CPQ: variants seen among roughly 807,000 people sequenced by gnomAD.
The protein encoded by CPQ is Ser-Met dipeptidase.
Under a neutral mutation model 45.7 loss-of-function variants are expected in CPQ, and 37 were observed. The ratio of observed to expected loss-of-function variants is 0.81; its 90% confidence interval spans 0.62 to 1.07. CPQ has a LOEUF of 1.07. Among genes scored for constraint, CPQ ranks in the 50% least tolerant of loss-of-function variants. The probability of loss-of-function intolerance (pLI) is 0.00; values close to 1 mark genes in which losing one functional copy is unlikely to be tolerated. For missense variants in CPQ, 537 were observed against 572.9 expected, an observed-to-expected ratio of 0.94 and a Z score of 0.64; for synonymous variants, 186 against 205.8, an observed-to-expected ratio of 0.90 and a Z score of 0.82.
At position 97,143,181 on chromosome 8, in the gene CPQ, T is replaced by G; in HGVS notation, c.1417T>G (p.Ter473GluextTer3). ...ADMEEMLPRS[*>E] The stretch of plus-strand genomic sequence containing the variant: ...CATGGAAGAAATGCTGCCTAGGTCC[T>G]AGAAACAGTAAGAAAGAAACGTTTT... The change falls in exon 8 of 8, where the codon TAG becomes GAG. Residue 473 changes from the stop codon to glutamate (E), a stop_lost. Transcript: ENST00000220763. 1 of 1,613,666 alleles carries G rather than the reference T, an allele frequency of 6.2e-7. No individual in the cohort carries two copies. Among genetic ancestry groups the G allele is most frequent in the Non-Finnish European group, 8.5e-7 (1 of 1,179,812 alleles).
chr8:96,780,878 A>G (rs1168801406), intron 1 of CPQ, among the ~76,000 whole-genome samples: 2 of 152,050 alleles, frequency 1.3e-5, no homozygotes, highest in African/African-American at 2.4e-5. Flanking sequence ...GAAGCTTAGC[A>G]ATGCATGTAT....
intron 7 of CPQ, among the ~76,000 whole-genome samples, chr8:97,096,275 C>A (rs1811209264): frequency 6.6e-6 from 1 of 151,806 alleles, no homozygotes; most frequent in Admixed American, 6.6e-5. Context: ...TTCCAGAGAC[C>A]AAAAAATAAA....
rs766653084 is a variant in CPQ, at chr8:97,029,466, G to A, written c.1025G>A (p.Gly342Asp). ...LWTAEEQGGV[G>D]AFQYYQLHKV... ...ACTGCAGAAGAACAAGGTGGAGTTG[G>A]TGCCTTCCAGTATTATCAGTTACAC... The change falls in exon 6 of 8, where the codon GGT becomes GAT. Residue 342 changes from glycine (G) to aspartate (D), a missense_variant. Physicochemically the swap from Gly to Asp is moderately conservative, Grantham distance 94. Coordinates refer to ENST00000220763, the MANE Select transcript of CPQ (RefSeq NM_016134.4). 2 of 1,608,086 alleles carry A rather than the reference G, an allele frequency of 1.2e-6. No individual in the cohort carries two copies. The highest frequency in any genetic ancestry group is 3.4e-5 in the Admixed American group (2 of 59,448).
At chr8:97,005,889 T>C (rs914022273) in intron 5 of CPQ, among the ~76,000 whole-genome samples, 13 of 152,190 alleles carry the variant, frequency 8.5e-5, no homozygotes, top group African/African-American at 3.1e-4. Flanking sequence ...CATATATGCA[T>C]ACATTGCTGC....
At chr8:97,013,130 C>T (rs1200466529) in intron 5 of CPQ, among the ~76,000 whole-genome samples, 4 of 151,904 alleles carry the variant, frequency 2.6e-5, no homozygotes, top group African/African-American at 9.7e-5. Flanking sequence ...TTTACTCTCC[C>T]TTAGGCATAT....
chr8:97,125,546 A>C (rs1315178745), intron 7 of CPQ, among the ~76,000 whole-genome samples: 1 of 152,204 alleles, frequency 6.6e-6, no homozygotes, highest in Non-Finnish European at 1.5e-5. Flanking sequence ...TTCAAGTGGC[A>C]TTTATCTTAG....
At chr8:96,887,790 C>G (rs949529689) in intron 4 of CPQ, among the ~76,000 whole-genome samples, 3 of 152,042 alleles carry the variant, frequency 2.0e-5, no homozygotes, top group Admixed American at 2.0e-4. Flanking sequence ...GAGTGGTTGG[C>G]GGTTGATGGT....
chr8:96,955,513 G>GA (rs1813342478), intron 4 of CPQ, among the ~76,000 whole-genome samples: 1 of 151,992 alleles, frequency 6.6e-6, no homozygotes, highest in African/African-American at 2.4e-5. Flanking sequence ...CACAGAATTG[G>GA]AAAAAACTAC....
intron 7 of CPQ, among the ~76,000 whole-genome samples, chr8:97,101,402 C>A (rs974483014): frequency 2.0e-5 from 3 of 151,214 alleles, no homozygotes; most frequent in Non-Finnish European, 2.9e-5. Flanking sequence ...ACAGATTCAG[C>A]AAATATATAG....
intron 6 of CPQ, among the ~76,000 whole-genome samples, chr8:97,042,837 T>C (rs936981337): frequency 3.3e-4 from 51 of 152,354 alleles, no homozygotes; most frequent in African/African-American, 1.2e-3. Flanking sequence ...TTGATTGCAC[T>C]GTGGTCTGAG....
chr8:96,992,747 C>T (rs938111054), intron 5 of CPQ, among the ~76,000 whole-genome samples: 1 of 152,092 alleles, frequency 6.6e-6, no homozygotes, highest in Non-Finnish European at 1.5e-5. Context: ...ACTTTCTTTC[C>T]TTCCACTCTG....
intron 4 of CPQ, among the ~76,000 whole-genome samples, chr8:96,947,792 C>A (rs1214623566): frequency 6.6e-6 from 1 of 152,054 alleles, no homozygotes; most frequent in Non-Finnish European, 1.5e-5. Context: ...ACTTCATGTC[C>A]CTCTCTTTCC....
At position 96,909,908 on chromosome 8, in the gene CPQ, A is replaced by G. The variant is rs771454339; in HGVS notation, c.849+29903A>G. Among the ~76,000 whole-genome samples the G allele has an allele frequency of 4.4e-4, 67 of 152,226 alleles. 2 individuals carry two copies. Among genetic ancestry groups the G allele is most frequent in the Admixed American group, 1.8e-3 (28 of 15,282 alleles). On this transcript the variant is annotated intron_variant, in intron 4 of 7. Transcript: ENST00000220763. ...AATTTTAGTGCTAAAAGAAACCCTT[A>G]TAAATCACCTTGATCAAAGCTGTAG...
At position 96,720,054 on chromosome 8, in the gene CPQ, CTG is replaced by C. The variant is rs563060099; in HGVS notation, c.-34-64807_-34-64806del. Among the ~76,000 whole-genome samples the C allele has an allele frequency of 5.0e-3, 768 of 152,326 alleles. 2 individuals carry two copies. The highest frequency in any genetic ancestry group is 7.4e-3 in the Non-Finnish European group (506 of 68,030). On this transcript the variant is annotated intron_variant, in intron 1 of 7. Transcript: ENST00000220763. ...GGAGAAAAGTTCACAGTGTGAATCTCTGTGCACTATTTTGTCTTTCCAAATGG... is the reference window on the plus strand; with the variant it reads ...GGAGAAAAGTTCACAGTGTGAATCTCTGCACTATTTTGTCTTTCCAAATGG...
At chr8:96,959,921 C>T (rs555825152) in intron 4 of CPQ, among the ~76,000 whole-genome samples, 2 of 148,804 alleles carry the variant, frequency 1.3e-5, no homozygotes, top group South Asian at 4.2e-4. Context: ...CCAAAAACAC[C>T]GAGTAGCTGT....
chr8:97,045,014 A>T lies in CPQ; in HGVS notation c.1053+15520A>T, dbSNP rs531292923. Reference sequence around the variant, plus strand: ...GCTGGGAGAACCACTGCTCTCTTCAAAGCTGTCAGACAGGGACATTTAAGT... The same window carrying T: ...GCTGGGAGAACCACTGCTCTCTTCATAGCTGTCAGACAGGGACATTTAAGT... On this transcript the variant is annotated intron_variant, in intron 6 of 7. Transcript: ENST00000220763. Among the ~76,000 whole-genome samples the T allele has an allele frequency of 9.8e-5, 15 of 152,292 alleles. No individual in the cohort carries two copies. In the South Asian group the frequency reaches 3.1e-3, roughly 32 times the overall value.
rs1809511261 is a variant in CPQ at position 96,704,753 on chromosome 8, C to T, written c.-35+59351C>T. 2.6e-5 allele frequency among the ~76,000 whole-genome samples: 4 copies of T among 152,178 alleles called. No individual in the cohort carries two copies. The South Asian group carries it at 8.3e-4, about 32-fold the overall frequency. On this transcript the variant is annotated intron_variant, in intron 1 of 7. Transcript: ENST00000220763. ...AAAGAACTACAAACAGGAAATCAAT[C>T]TGTTGTTCTGTGGATGGGAGAGAGA...
intron 4 of CPQ, among the ~76,000 whole-genome samples, chr8:96,952,218 T>C (rs1204331756): frequency 6.6e-6 from 1 of 152,142 alleles, no homozygotes; most frequent in South Asian, 2.1e-4. Context: ...CCATCTTTAG[T>C]GAAGCATACA....
intron 7 of CPQ, among the ~76,000 whole-genome samples, chr8:97,118,867 G>A (rs914722354): frequency 3.9e-5 from 6 of 151,910 alleles, no homozygotes; most frequent in South Asian, 4.1e-4. Flanking sequence ...ATATATATAC[G>A]TGTATAATAT....
Sources: gnomAD v4.1 joint callset for allele counts (sites outside exome capture counted in the v4.1 genomes callset) on GRCh38, gnomAD v4.1.1 for gene constraint, MANE v1.5 for transcripts, NCBI Gene and HGNC (gene_info 2026-07-23, HGNC 2026-07-21) for gene names.